The following RAET1G variants were observed in gnomAD, a reference collection of about 807,000 sequenced individuals.
RAET1G encodes retinoic acid early transcript 1G.
In RAET1G, 25 loss-of-function variants were observed where a neutral mutation model predicts 29.5. That is an observed-to-expected ratio of 0.85 (90% confidence interval 0.62 to 1.18). The LOEUF (loss-of-function observed/expected upper bound fraction) is 1.18. Ranked by LOEUF, RAET1G falls within the 50% of genes most tolerant of loss-of-function variation. The pLI, the probability that RAET1G is intolerant of heterozygous loss-of-function variation, is 0.00. For synonymous variants in RAET1G, 167 were observed against 159.5 expected (o/e 1.05, Z -0.36); for missense variants, 434 against 423.6 (o/e 1.02, Z -0.22).
chr6:149,921,876 G>T (rs1582802369), intron 1 of RAET1G, among the ~76,000 whole-genome samples: 1 of 152,266 alleles, frequency 6.6e-6, no homozygotes, highest in Non-Finnish European at 1.5e-5. Context: ...CCCTCATCTA[G>T]GGTCAGCAAC....
rs796402697 is a variant in RAET1G at position 149,922,935 on chromosome 6, C to T, written c.76G>A (p.Gly26Arg). 1.4e-5 allele frequency: 22 copies of T among 1,594,470 alleles called. No individual in the cohort carries two copies. Among genetic ancestry groups the T allele is most frequent in the Non-Finnish European group, 1.8e-5 (21 of 1,171,462 alleles). The change falls in exon 1 of 5, where the codon GGG becomes AGG. Residue 26 changes from glycine (G) to arginine (R), a missense_variant. Transcript: ENST00000367360. ...LLLLSSWCRT[G>R]LADPHSLCYD... ...CCATCCCCGAACTCACCGGCCAGCC[C>T]GGTCCTGCACCAGCTGGACAGCAGG...
At position 149,921,458 on chromosome 6, in the gene RAET1G, G is replaced by A. The variant is rs565348487; in HGVS notation, c.85+1468C>T. 3.0e-3 allele frequency among the ~76,000 whole-genome samples: 457 copies of A among 152,342 alleles called. 2 individuals carry two copies. Among genetic ancestry groups the A allele is most frequent in the Non-Finnish European group, 4.9e-3 (331 of 68,042 alleles). ...ATCCAGCCTCAGAGCTGCCCATTAC[G>A]GGTGGGCTCCTCACCCTCTAGGTCA... is the stretch of plus-strand genomic sequence containing the variant. On this transcript the variant is annotated intron_variant, in intron 1 of 4. Coordinates refer to ENST00000367360, the MANE Select transcript of RAET1G (RefSeq NM_001001788.4).
Position 149,918,609 on chromosome 6 carries a change from C to T in RAET1G, c.632-225G>A, listed in dbSNP as rs1455137788. ...AGGGAAGCAAGGTGACAGCAAAGCC[C>T]ACCCTCCTGCTGTGGCGGAAGAGGA... On this transcript the variant is annotated intron_variant, in intron 3 of 4. Transcript: ENST00000367360. 4 of 632,714 alleles carry T rather than the reference C, an allele frequency of 6.3e-6. No homozygotes were observed. The African/African-American group carries it at 7.4e-5, about 12-fold the overall frequency. 39.2% of individuals were successfully genotyped at this position (632,714 alleles called of 1,614,324 possible). A position where few individuals can be genotyped will look rare whatever the true frequency, so the allele number is the denominator to read the frequency against.
In RAET1G at chr6:149,922,912, AT is replaced by A. The variant is rs747967896; in HGVS notation, c.85+13del. 1.2e-4 allele frequency: 184 copies of A among 1,576,858 alleles called. 1 individual carries two copies. In the South Asian group the frequency reaches 1.8e-3, roughly 15 times the overall value. ...TTGGCCTCCGCCCCGCTTAGGCTCC[AT>A]CCCCGAACTCACCGGCCAGCCCGGT... On this transcript the variant is annotated intron_variant, in intron 1 of 4. Coordinates refer to ENST00000367360, the MANE Select transcript of RAET1G (RefSeq NM_001001788.4).
rs796402697 is a variant in RAET1G at position 149,922,935 on chromosome 6, C to G, written c.76G>C (p.Gly26Arg). Reference protein sequence around the residue: ...LLLLSSWCRTGLADPHSLCYD... With the variant: ...LLLLSSWCRTRLADPHSLCYD... The stretch of plus-strand genomic sequence containing the variant: ...CCATCCCCGAACTCACCGGCCAGCC[C>G]GGTCCTGCACCAGCTGGACAGCAGG... The change falls in exon 1 of 5, where the codon GGG (glycine) becomes CGG (arginine). Residue 26 changes from glycine to arginine, a missense_variant. Transcript: ENST00000367360. 47 of 1,594,588 alleles carry G rather than the reference C, an allele frequency of 2.9e-5. No individual in the cohort carries two copies. In the African/African-American group the frequency reaches 4.5e-4, roughly 15 times the overall value.
At chr6:149,918,138 C>T (rs746012288) in intron 4 of RAET1G, 36 bp downstream of exon 4, 2 of 1,585,472 alleles carry the variant, frequency 1.3e-6, no homozygotes, top group Non-Finnish European at 1.7e-6. Flanking sequence ...CCTCACCCAC[C>T]TGCCCTTTGC....
chr6:149,919,901 C>A (rs1450253831), intron 1 of RAET1G, 85 bp from the exon 2 acceptor site: 135 of 1,610,226 alleles, frequency 8.4e-5, no homozygotes, highest in Non-Finnish European at 1.0e-4. Context: ...TAAGAGGAAG[C>A]CTCTGGAGGG....
rs78454020 is a variant in RAET1G at position 149,918,341 on chromosome 6, C to T, written c.675G>A (p.Thr225=). ...GGCAGCAAAGGATGAGGGTGGTGGC[C>T]GTGGCCCTGGGTTGGGCTGTGCCTG... ...MSSGTAQPRA[T]ATTLILCCLL... is the part of the protein sequence containing the mutation. Residue 225 remains threonine, a synonymous_variant, in exon 4 of 5, where the codon ACG becomes ACA. Transcript: ENST00000367360. The T allele has an allele frequency of 8.4e-4, 1,361 of 1,613,956 alleles. 15 individuals carry two copies. In the African/African-American group the frequency reaches 0.016, roughly 19 times the overall value.
chr6:149,920,883 G>T (rs1025227870), intron 1 of RAET1G, among the ~76,000 whole-genome samples: 2 of 152,012 alleles, frequency 1.3e-5, no homozygotes, highest in African/African-American at 4.8e-5. Flanking sequence ...TAAAACAAAT[G>T]ATGGATGACC....
chr6:149,919,810 T>A lies in RAET1G; in HGVS notation c.92A>T (p.His31Leu), dbSNP rs1320739015. 2 of 1,611,056 alleles carry A rather than the reference T, an allele frequency of 1.2e-6. No individual in the cohort carries two copies. Among genetic ancestry groups the A allele is most frequent in the Non-Finnish European group, 1.7e-6 (2 of 1,179,666 alleles). Reference sequence around the variant, plus strand: ...GACGGTGATGTCATAGCAAAGAGAGTGAGGGTCTGTGGAGAAAGGCAGGTG... The same window carrying A: ...GACGGTGATGTCATAGCAAAGAGAGAGAGGGTCTGTGGAGAAAGGCAGGTG... ...SWCRTGLADP[H>L]SLCYDITVIP... Residue 31 changes from histidine to leucine, a missense_variant, in exon 2 of 5, where the codon CAC becomes CTC. Transcript: ENST00000367360.
Position 149,922,994 on chromosome 6 carries a change from C to T in RAET1G, c.17G>A (p.Ser6Asn). The change falls in exon 1 of 5, where the codon AGC becomes AAC. Residue 6 changes from serine to asparagine, a missense_variant. Ser to Asn is a conservative substitution (Grantham distance 46, BLOSUM62 1). Coordinates refer to ENST00000367360, the MANE Select transcript of RAET1G (RefSeq NM_001001788.4). Reference protein sequence around the residue: MAAAASPAFLLRLPLL... With the variant: MAAAANPAFLLRLPLL... ...CGGGAGGCGTAGAAGGAACGCGGGG[C>T]TGGCGGCCGCTGCCATTGGGGAGTT... 1 of 1,602,852 alleles carries T rather than the reference C, an allele frequency of 6.2e-7. No individual in the cohort carries two copies.
chr6:149,922,350 T>G (rs756487207), intron 1 of RAET1G, among the ~76,000 whole-genome samples: 16 of 152,060 alleles, frequency 1.1e-4, no homozygotes, highest in Non-Finnish European at 1.9e-4. Flanking sequence ...AAGAGGATGT[T>G]ACCTGGGTGG....
intron 3 of RAET1G, chr6:149,918,795 G>C: frequency 1.6e-6 from 1 of 630,306 alleles, no homozygotes; most frequent in Non-Finnish European, 2.7e-6. Flanking sequence ...CAGTTTCGAG[G>C]CTGGTGAGAA....
chr6:149,919,238 G>A lies in RAET1G; in HGVS notation c.436C>T (p.Gln146Ter), dbSNP rs533365156. 2.5e-6 allele frequency: 4 copies of A among 1,614,194 alleles called. No individual in the cohort carries two copies. In the East Asian group the frequency reaches 8.9e-5, roughly 36 times the overall value. ...TCTGAGTCAAAGAGGAGGAAGATCT[G>A]TCCATCGAAACTGAGCTGCCAAGAT... ...SGSWQLSFDG[Q>*]IFLLFDSENR... is the part of the protein sequence containing the mutation. The change falls in exon 3 of 5, where the codon CAG (glutamine) becomes TAG (stop). Residue 146 changes from glutamine (Q) to a stop codon, truncating the protein, a stop_gained. Transcript: ENST00000367360. LOFTEE classifies it high-confidence loss of function.
intron 2 of RAET1G, 30 bp from the exon 3 acceptor site, chr6:149,919,354 G>A (rs1562479520): frequency 6.2e-7 from 1 of 1,604,208 alleles, no homozygotes; most frequent in South Asian, 1.1e-5. Flanking sequence ...ATCAGCTCTG[G>A]CCTTGACAGA....
At chr6:149,920,100 T>A (rs1482558455) in intron 1 of RAET1G, among the ~76,000 whole-genome samples, 2 of 151,912 alleles carry the variant, frequency 1.3e-5, no homozygotes, top group African/African-American at 4.8e-5. Flanking sequence ...GCTAGAGAGG[T>A]GCCAGGAGTG....
rs540571584 is a variant in RAET1G at position 149,919,121 on chromosome 6, T to C, written c.553A>G (p.Ile185Val). 10 of 1,614,222 alleles carry C rather than the reference T, an allele frequency of 6.2e-6. No individual in the cohort carries two copies. Among genetic ancestry groups the C allele is most frequent in the East Asian group, 4.5e-5 (2 of 44,886 alleles). Residue 185 changes from isoleucine to valine, a missense_variant, in exon 3 of 5, where the codon ATC becomes GTC. Transcript: ENST00000367360. ...DKDMTMSFHY[I>V]SMGDCTGWLE... ...CATCCTGTGCAGTCTCCCATTGAGA[T>C]GTAATGGAAGGACATGGTCATATCC...
intron 1 of RAET1G, 151 bp from the exon 2 acceptor site, chr6:149,919,967 A>T: frequency 6.5e-7 from 1 of 1,529,686 alleles, no homozygotes; most frequent in South Asian, 1.3e-5. Flanking sequence ...CACAAGATTA[A>T]GGCGAGTGCT....
At position 149,916,957 on chromosome 6, in the gene RAET1G, G is replaced by T. The variant is rs1266127051; in HGVS notation, c.960C>A (p.Asn320Lys). Residue 320 changes from asparagine (N) to lysine (K), a missense_variant, in exon 5 of 5, where the codon AAC becomes AAA. Transcript: ENST00000367360. ...GTGGCTCCGAATACCTGGCTGCGCC[G>T]TTATTTATTGTATACAAGGCAAGAG... ...PCPLALYTIN[N>K]GAARYSEPLQ... 2 of 1,546,622 alleles carry T rather than the reference G, an allele frequency of 1.3e-6. No homozygotes were observed. The highest frequency in any genetic ancestry group is 2.7e-5 in the African/African-American group (2 of 72,922).
Sources: gnomAD v4.1 joint callset for allele counts (sites outside exome capture counted in the v4.1 genomes callset) on GRCh38, gnomAD v4.1.1 for gene constraint, MANE v1.5 for transcripts, NCBI Gene and HGNC (gene_info 2026-07-23, HGNC 2026-07-21) for gene names.